ATRX: variants seen among roughly 807,000 people sequenced by gnomAD.
ATRX encodes the protein ATRX chromatin remodeler.
ATRX carries 12 observed loss-of-function variants against 172.6 expected under a neutral mutation model. That is an observed-to-expected ratio of 0.07 (90% CI 0.04 to 0.11). ATRX has a LOEUF of 0.11. Ranked by LOEUF, ATRX falls within the 10% of genes least tolerant of loss-of-function variation. The pLI is 1.00. For missense variants in ATRX, 1,368 were observed against 1,767.4 expected (o/e 0.77, Z 4.05); for synonymous variants, 674 against 594.7 (o/e 1.13, Z -1.94).
intron 28 of ATRX, among the ~76,000 whole-genome samples, chrX:77,563,832 C>T (rs781905168): frequency 5.2e-4 from 57 of 108,839 alleles, no homozygotes; most frequent in Non-Finnish European, 9.1e-4. Flanking sequence ...GGGAGCTAAT[C>T]GTATAAATCC....
chrX:77,639,284 AC>A (rs2068540639), intron 15 of ATRX, among the ~76,000 whole-genome samples: 1 of 112,099 alleles, frequency 8.9e-6, no homozygotes, highest in East Asian at 2.8e-4. Flanking sequence ...CCTTTAAATG[AC>A]TGAAATGCTT....
At chrX:77,619,338 G>A (rs1557098698) in intron 20 of ATRX, among the ~76,000 whole-genome samples, 1 of 111,091 alleles carries the variant, frequency 9.0e-6, no homozygotes, top group Non-Finnish European at 1.9e-5. Context: ...GCTATCTTGT[G>A]AAGAAAGGAG....
chrX:77,688,657 A>T (rs1411721186), intron 7 of ATRX, among the ~76,000 whole-genome samples, 161 bp downstream of exon 7: 1 of 111,911 alleles, frequency 8.9e-6, no homozygotes, highest in Non-Finnish European at 1.9e-5. Context: ...CTCCCCTATC[A>T]TGACACTTAG....
chrX:77,640,310 C>G lies in ATRX; in HGVS notation c.4558-4254G>C, dbSNP rs141824733. Among the ~76,000 whole-genome samples the G allele has an allele frequency of 7.1e-3, 783 of 110,405 alleles. 9 individuals are homozygous for G. The highest frequency in any genetic ancestry group is 0.025 in the African/African-American group (750 of 30,336). ...TAACAAACCTGTACATGTACCCCCC[C>G]ACCCCGTATCTAAACTAAAAGCTGA... On this transcript the variant is annotated intron_variant, in intron 15 of 34. Transcript: ENST00000373344.
intron 21 of ATRX, among the ~76,000 whole-genome samples, chrX:77,618,241 T>C (rs991415267): frequency 1.8e-5 from 2 of 111,789 alleles, no homozygotes; most frequent in Non-Finnish European, 3.8e-5. Context: ...TATCTTGAGA[T>C]CTATTAACTG....
chrX:77,513,113 T>G (rs1323861333), intron 34 of ATRX, among the ~76,000 whole-genome samples: 1 of 108,945 alleles, frequency 9.2e-6, no homozygotes, highest in African/African-American at 3.3e-5. Context: ...GTCAGGAGAC[T>G]GAGACCATCC....
At chrX:77,759,312 T>C (rs931715466) in intron 1 of ATRX, among the ~76,000 whole-genome samples, 6 of 110,453 alleles carry the variant, frequency 5.4e-5, no homozygotes, top group Non-Finnish European at 1.1e-4. Flanking sequence ...AAAGGAGACA[T>C]GTTTAAGAAT....
intron 1 of ATRX, among the ~76,000 whole-genome samples, chrX:77,775,155 G>A (rs1415317543): frequency 9.0e-6 from 1 of 111,612 alleles, no homozygotes; most frequent in Non-Finnish European, 1.9e-5. Flanking sequence ...AATTTACTCT[G>A]AAACAATTCA....
At chrX:77,740,667 A>T (rs1256122058) in intron 1 of ATRX, among the ~76,000 whole-genome samples, 1 of 110,419 alleles carries the variant, frequency 9.1e-6, no homozygotes, top group Non-Finnish European at 1.9e-5. Flanking sequence ...AAGAAATGAC[A>T]TTTAATCATG....
intron 28 of ATRX, among the ~76,000 whole-genome samples, chrX:77,559,775 AC>A (rs1452783686): frequency 5.4e-5 from 6 of 110,905 alleles, no homozygotes; most frequent in Admixed American, 3.9e-4. Context: ...CAATATTTCT[AC>A]AGGATAATTT....
chrX:77,553,307 T>A (rs1297106749), intron 30 of ATRX, among the ~76,000 whole-genome samples: 1 of 111,626 alleles, frequency 9.0e-6, no homozygotes, highest in Non-Finnish European at 1.9e-5. Flanking sequence ...ACATCTCATA[T>A]CAGGCCTGTA....
chrX:77,686,246 G>C lies in ATRX; in HGVS notation c.595-1240C>G, dbSNP rs1468440844. On this transcript the variant is annotated intron_variant, in intron 7 of 34. Transcript: ENST00000373344. ...CAAAGGATAAATGCTTGAGGGGATG[G>C]ATACCCCATTTTCCACAATGTGCTT... Among the ~76,000 whole-genome samples the C allele has an allele frequency of 2.7e-5, 3 of 112,299 alleles. No homozygotes were observed. The East Asian group carries it at 8.4e-4, about 31-fold the overall frequency.
At chrX:77,574,890 ATG>A (rs781852651) in intron 27 of ATRX, among the ~76,000 whole-genome samples, 8 of 107,850 alleles carry the variant, frequency 7.4e-5, no homozygotes, top group African/African-American at 1.0e-4. Context: ...GTGTGTGTGT[ATG>A]TGTGTGTGTG....
At chrX:77,764,380 A>G (rs1224603633) in intron 1 of ATRX, among the ~76,000 whole-genome samples, 1 of 111,685 alleles carries the variant, frequency 9.0e-6, no homozygotes, top group Non-Finnish European at 1.9e-5. Flanking sequence ...AACTTAGGAT[A>G]TTAAGAGAAG....
chrX:77,772,645 T>G (rs1336238396), intron 1 of ATRX, among the ~76,000 whole-genome samples: 5 of 104,883 alleles, frequency 4.8e-5, no homozygotes, highest in African/African-American at 6.9e-5. Context: ...CCCAGCTAGT[T>G]TTTTTTTTTG....
intron 1 of ATRX, among the ~76,000 whole-genome samples, chrX:77,779,548 T>C (rs2076496078): frequency 9.0e-6 from 1 of 111,683 alleles, no homozygotes; most frequent in Non-Finnish European, 1.9e-5. Flanking sequence ...TTAGGCTTTC[T>C]TTCATTTCTG....
intron 15 of ATRX, among the ~76,000 whole-genome samples, chrX:77,640,590 T>C (rs1336192528): frequency 9.0e-6 from 1 of 110,590 alleles, no homozygotes; most frequent in African/African-American, 3.3e-5. Flanking sequence ...AGGCAAAATA[T>C]ATGAAAAAAA....
intron 15 of ATRX, among the ~76,000 whole-genome samples, chrX:77,642,665 A>G (rs1301135795): frequency 9.0e-6 from 1 of 110,862 alleles, no homozygotes; most frequent in African/African-American, 3.3e-5. Context: ...AAAAACAAAA[A>G]AAAAAAAGAA....
rs140892804 is a variant in ATRX, at chrX:77,567,427, A to C, written c.6326+6823T>G. Among the ~76,000 whole-genome samples the C allele has an allele frequency of 1.0e-3, 113 of 111,774 alleles. 2 individuals are homozygous for C. In the East Asian group the frequency reaches 0.031, roughly 30 times the overall value. On this transcript the variant is annotated intron_variant, in intron 28 of 34. Transcript: ENST00000373344. ...AGGATGAAAAACTATATACCGTGCA[A>C]ACACCAATCAAAATAAAACAAGAGT...
Sources: gnomAD v4.1 joint callset for allele counts (sites outside exome capture counted in the v4.1 genomes callset) on GRCh38, gnomAD v4.1.1 for gene constraint, MANE v1.5 for transcripts, NCBI Gene and HGNC (gene_info 2026-07-23, HGNC 2026-07-21) for gene names.